The following CCDC122 variants were observed in gnomAD, a reference collection of about 807,000 sequenced individuals.
CCDC122 encodes the protein coiled-coil domain containing 122.
Under a neutral mutation model 37.0 loss-of-function variants are expected in CCDC122, and 38 were observed. The ratio of observed to expected loss-of-function variants is 1.03; its 90% confidence interval spans 0.79 to 1.35. The LOEUF is 1.35. CCDC122 is among the 40% of genes most tolerant of loss of function. CCDC122 has a pLI of 0.00. For synonymous variants in CCDC122, 83 were observed against 95.6 expected (o/e 0.87, Z 0.77); for missense variants, 305 against 310.0 (o/e 0.98, Z 0.12).
chr13:43,849,215 G>T (rs991943891), intron 6 of CCDC122: 12 of 308,088 alleles, frequency 3.9e-5, no homozygotes, highest in African/African-American at 2.5e-4. Context: ...TCCCTATTAT[G>T]AAAACTTAAA....
At position 43,825,695 on chromosome 13, in the gene CCDC122, G is replaced by A. The variant is rs147765677; in HGVS notation, n.602-1684C>T. Reference sequence around the variant, plus strand: ...TGAGGCAGGAGAATCACTTGAACTCGGGAGGCGGAGGTTGCAGTGAGTTGA... The same window carrying A: ...TGAGGCAGGAGAATCACTTGAACTCAGGAGGCGGAGGTTGCAGTGAGTTGA... On this transcript the variant is annotated intron_variant and non_coding_transcript_variant, in intron 3 of 3. Transcript: ENST00000470137. Among the ~76,000 whole-genome samples the A allele has an allele frequency of 2.5e-4, 38 of 151,454 alleles. No individual in the cohort carries two copies. In the East Asian group the frequency reaches 5.7e-3, roughly 23 times the overall value.
chr13:43,844,707 G>A (rs76084533), intron 6 of CCDC122, among the ~76,000 whole-genome samples: 1 of 151,888 alleles, frequency 6.6e-6, no homozygotes, highest in African/African-American at 2.4e-5. Flanking sequence ...TTCCTTCTTG[G>A]TGAATTGACT....
chr13:43,859,457 T>C (rs1412291302), intron 5 of CCDC122, among the ~76,000 whole-genome samples: 1 of 152,084 alleles, frequency 6.6e-6, no homozygotes, highest in Non-Finnish European at 1.5e-5. Context: ...ACAGGGGATT[T>C]GTGGATGTTT....
chr13:43,860,264 T>C (rs1331528915), intron 4 of CCDC122, among the ~76,000 whole-genome samples, 194 bp from the exon 5 acceptor site: 2 of 152,222 alleles, frequency 1.3e-5, no homozygotes, highest in East Asian at 3.9e-4. Context: ...ACCTCAGTTA[T>C]ATATTTTTTA....
In CCDC122 at chr13:43,836,552, A is replaced by G. The variant is rs535190719; in HGVS notation, c.*728T>C. On this transcript the variant is annotated 3_prime_UTR_variant, in exon 7 of 7. Transcript: ENST00000444614. ...GGCAGCTGTAAAAAAACAAGTTCCA[A>G]TAAAAAGTTCGAAACAGGCCGGGCG... 1.3e-5 allele frequency: 2 copies of G among 152,340 alleles called. No individual in the cohort carries two copies. The highest frequency in any genetic ancestry group is 3.9e-4 in the East Asian group (2 of 5,184). The allele number at this position is 152,340 out of a possible 1,614,324, so 9.4% of individuals were successfully genotyped here.
intron 1 of CCDC122, among the ~76,000 whole-genome samples, chr13:43,875,290 A>G (rs1439351369): frequency 6.6e-6 from 1 of 152,218 alleles, no homozygotes; most frequent in Non-Finnish European, 1.5e-5. Context: ...CCTCTAAACA[A>G]GTAAACATGA....
chr13:43,825,499 GT>G (rs1953030963), intron 3 of CCDC122, among the ~76,000 whole-genome samples: 1 of 151,986 alleles, frequency 6.6e-6, no homozygotes, highest in South Asian at 2.1e-4. Flanking sequence ...GCCAGGGATG[GT>G]GGCTCACGCC....
At chr13:43,828,391 T>C (rs1399813782) in intron 3 of CCDC122, among the ~76,000 whole-genome samples, 2 of 152,218 alleles carry the variant, frequency 1.3e-5, no homozygotes, top group Non-Finnish European at 2.9e-5. Flanking sequence ...AACTTATACT[T>C]GCTTTGCAGC....
intron 4 of CCDC122, among the ~76,000 whole-genome samples, chr13:43,861,761 T>C (rs1279153117): frequency 6.6e-6 from 1 of 152,218 alleles, no homozygotes; most frequent in Non-Finnish European, 1.5e-5. Flanking sequence ...GACATTTTTA[T>C]ATGTATGTTT....
chr13:43,825,132 C>T (rs1271001416), intron 3 of CCDC122, among the ~76,000 whole-genome samples: 1 of 152,128 alleles, frequency 6.6e-6, no homozygotes, highest in East Asian at 1.9e-4. Context: ...TTCGCAATAG[C>T]AAAGACATGC....
intron 2 of CCDC122, 43 bp from the exon 3 acceptor site, chr13:43,869,532 A>G: frequency 1.8e-6 from 1 of 571,188 alleles, no homozygotes; most frequent in South Asian, 2.4e-5. Flanking sequence ...AGGGATGTCA[A>G]TGACATTTTA....
At chr13:43,828,090 G>A (rs1030054307) in intron 3 of CCDC122, among the ~76,000 whole-genome samples, 4 of 152,192 alleles carry the variant, frequency 2.6e-5, no homozygotes, top group African/African-American at 7.2e-5. Context: ...CAAGGATTCT[G>A]TGCCCATGGA....
In CCDC122 at chr13:43,869,191, T is replaced by G. The variant is rs1299236468; in HGVS notation, c.46+140A>C. Reference sequence around the variant, plus strand: ...AGGTTGATATGCCTTTGCTAAACACTGTATATGTTTGTCCCAGCTAAATGT... The same window carrying G: ...AGGTTGATATGCCTTTGCTAAACACGGTATATGTTTGTCCCAGCTAAATGT... On this transcript the variant is annotated intron_variant, in intron 3 of 6. Coordinates refer to ENST00000444614, the MANE Select transcript of CCDC122 (RefSeq NM_144974.5). The G allele has an allele frequency of 3.5e-5, 24 of 687,912 alleles. No homozygotes were observed. The East Asian group carries it at 6.5e-4, about 19-fold the overall frequency. The allele number at this position is 687,912 out of a possible 1,614,324, so 42.6% of individuals were successfully genotyped here. A position where few individuals can be genotyped will look rare whatever the true frequency, so the allele number is the denominator to read the frequency against.
At chr13:43,874,650 G>A (rs1954551462) in intron 2 of CCDC122, 192 bp downstream of exon 2, 1 of 151,886 alleles carries the variant, frequency 6.6e-6, no homozygotes, top group African/African-American at 2.4e-5. Context: ...TTTTTCCCCA[G>A]ACTTCTGTTG....
At chr13:43,838,318 G>A (rs1409889957) in intron 6 of CCDC122, among the ~76,000 whole-genome samples, 3 of 151,970 alleles carry the variant, frequency 2.0e-5, no homozygotes, top group Non-Finnish European at 4.4e-5. Flanking sequence ...CTGAAACACA[G>A]ATCATTTGGT....
At chr13:43,860,875 A>C (rs1226576089) in intron 4 of CCDC122, among the ~76,000 whole-genome samples, 1 of 152,208 alleles carries the variant, frequency 6.6e-6, no homozygotes, top group Non-Finnish European at 1.5e-5. Context: ...CACTATATCC[A>C]AAAATTGAAT....
At chr13:43,831,425 ATT>A (rs1431347824), downstream of CCDC122, among the ~76,000 whole-genome samples, 1 of 152,186 alleles carries the variant, frequency 6.6e-6, no homozygotes, top group African/African-American at 2.4e-5. Context: ...AGCACCATGG[ATT>A]CTGGGAGAAA....
intron 6 of CCDC122, 39 bp from the exon 7 acceptor site, chr13:43,837,468 G>A (rs967380469): frequency 5.1e-6 from 8 of 1,558,158 alleles, no homozygotes; most frequent in Non-Finnish European, 6.9e-6. Context: ...GGCTTGTGAA[G>A]TATAAATAGT....
chr13:43,830,275 C>G (rs117443070), intron 3 of CCDC122, among the ~76,000 whole-genome samples: 2,154 of 152,180 alleles, frequency 0.014, 13 homozygotes, highest in Middle Eastern at 0.024. Flanking sequence ...GGAAGTGGAA[C>G]CGATCTTGGG....
Sources: allele counts gnomAD v4.1 joint callset (sites outside exome capture counted in the v4.1 genomes callset), GRCh38; gene constraint gnomAD v4.1.1; transcripts MANE v1.5; gene names NCBI Gene and HGNC (gene_info 2026-07-23, HGNC 2026-07-21).